Variants in MRTFA observed in about 807,000 individuals in gnomAD.
The protein encoded by MRTFA is myocardin related transcription factor A, also known as myocardin-related transcription factor A.
MRTFA carries 20 observed loss-of-function variants against 83.5 expected under a neutral mutation model. The observed-to-expected ratio is 0.24, with a 90% CI of 0.17 to 0.35. The LOEUF is 0.35. Among genes scored for constraint, MRTFA ranks in the 10% least tolerant of loss-of-function variants. The probability of loss-of-function intolerance (pLI) is 1.00; values close to 1 mark genes in which losing one functional copy is unlikely to be tolerated. For synonymous variants in MRTFA, 659 were observed against 541.2 expected (o/e 1.22, Z -3.02); for missense variants, 1,200 against 1,224.7 (o/e 0.98, Z 0.30).
Position 40,618,248 on chromosome 22 carries a change from G to GCA in MRTFA, c.-84+18229_-84+18230insTG, listed in dbSNP as rs1195201249. On this transcript the variant is annotated intron_variant, in intron 1 of 14. Coordinates refer to ENST00000355630, the MANE Select transcript of MRTFA (RefSeq NM_020831.6). Reference sequence around the variant, plus strand: ...CGCCACCACGCCTGGCTAATTTTTTGTATTTTTTTTTTTTTTTTTTTTTAG... The same window carrying GCA: ...CGCCACCACGCCTGGCTAATTTTTTGCATATTTTTTTTTTTTTTTTTTTTTAG... Among the ~76,000 whole-genome samples the GCA allele has an allele frequency of 3.7e-4, 48 of 129,112 alleles. No individual in the cohort carries two copies. In the East Asian group the frequency reaches 4.9e-3, roughly 13 times the overall value. 84.7% of individuals were successfully genotyped at this position (129,112 alleles called of 152,430 possible). A position where few individuals can be genotyped will look rare whatever the true frequency, so the allele number is the denominator to read the frequency against.
At chr22:40,460,695 A>G (rs1403431076) in intron 4 of MRTFA, among the ~76,000 whole-genome samples, 2 of 152,110 alleles carry the variant, frequency 1.3e-5, no homozygotes, top group Admixed American at 6.5e-5. Flanking sequence ...GGAGGTTTGG[A>G]GTGTATTGTA....
intron 1 of MRTFA, among the ~76,000 whole-genome samples, chr22:40,603,729 T>A (rs1168393070): frequency 1.3e-5 from 2 of 152,036 alleles, no homozygotes; most frequent in Non-Finnish European, 2.9e-5. Flanking sequence ...TGGAGTAATA[T>A]TAAACAAGAT....
chr22:40,500,163 T>C (rs1186714136), intron 3 of MRTFA, among the ~76,000 whole-genome samples: 2 of 151,036 alleles, frequency 1.3e-5, no homozygotes. Context: ...ACTCCTGATC[T>C]TGTGATTTGC....
intron 2 of MRTFA, among the ~76,000 whole-genome samples, chr22:40,570,863 T>G (rs1178225474): frequency 6.6e-6 from 1 of 151,438 alleles, no homozygotes; most frequent in Non-Finnish European, 1.5e-5. Flanking sequence ...TATTTTACTT[T>G]CTTTGGTCAT....
At chr22:40,499,674 A>G (rs2054422371) in intron 3 of MRTFA, among the ~76,000 whole-genome samples, 1 of 152,162 alleles carries the variant, frequency 6.6e-6, no homozygotes, top group South Asian at 2.1e-4. Context: ...CTACCTCTTA[A>G]AATGTTTATT....
rs751456125 is a variant in MRTFA, at chr22:40,420,864, G to T, written c.1164C>A (p.Ile388=). 2 of 1,613,776 alleles carry T rather than the reference G, an allele frequency of 1.2e-6. No homozygotes were observed. Residue 388 remains isoleucine (I), a synonymous_variant, in exon 10 of 15, where the codon ATC becomes ATA. Transcript: ENST00000355630. ...GTGCCTACTTTGGCGGGGCAGGCAG[G>T]ATGGCCTGGTAGTTGTGGTGCTGCT...
intron 1 of MRTFA, 115 bp from the exon 2 acceptor site, chr22:40,594,850 C>A: frequency 6.7e-6 from 1 of 149,646 alleles, no homozygotes. Flanking sequence ...TCAATCCTCT[C>A]CATGCACACA....
intron 2 of MRTFA, among the ~76,000 whole-genome samples, chr22:40,556,798 T>C (rs1349107818): frequency 6.6e-6 from 1 of 152,208 alleles, no homozygotes; most frequent in African/African-American, 2.4e-5. Context: ...GTATTCTTTG[T>C]CATTGACTCT....
chr22:40,622,441 ACTACAC>A (rs2056534290), intron 1 of MRTFA, among the ~76,000 whole-genome samples: 2 of 147,274 alleles, frequency 1.4e-5, no homozygotes, highest in Non-Finnish European at 3.0e-5. Flanking sequence ...AGATGGTGCC[ACTACAC>A]TCCAGCCTGG....
At chr22:40,441,786 C>CG (rs1569267047) in intron 4 of MRTFA, among the ~76,000 whole-genome samples, 2 of 151,344 alleles carry the variant, frequency 1.3e-5, no homozygotes, top group South Asian at 4.2e-4. Flanking sequence ...GACTCCATCT[C>CG]GGGGGGAAAA....
At position 40,411,414 on chromosome 22, in the gene MRTFA, C is replaced by G. The variant is rs764664048; in HGVS notation, c.3072G>C (p.Gln1024His). The G allele has an allele frequency of 8.9e-6, 14 of 1,568,466 alleles. No homozygotes were observed. The highest frequency in any genetic ancestry group is 1.0e-5 in the Non-Finnish European group (12 of 1,149,318). The change falls in exon 15 of 15, where the codon CAG (glutamine) becomes CAC (histidine). Residue 1024 changes from glutamine to histidine, a missense_variant. Physicochemically the swap from Gln to His is conservative, Grantham distance 24. Transcript: ENST00000355630. ...GCTACAAGCAGGAATCCCAGTGCAG[C>G]TGCAAATCATGGCCATCGAGGAAGT...
intron 3 of MRTFA, among the ~76,000 whole-genome samples, chr22:40,488,795 T>C (rs1480591667): frequency 2.6e-5 from 4 of 152,156 alleles, no homozygotes; most frequent in Admixed American, 6.5e-5. Flanking sequence ...ATGGCGCCAC[T>C]GCACTCCAGC....
At chr22:40,539,791 C>T (rs1167000014) in intron 3 of MRTFA, among the ~76,000 whole-genome samples, 1 of 152,052 alleles carries the variant, frequency 6.6e-6, no homozygotes, top group Non-Finnish European at 1.5e-5. Flanking sequence ...CACGAGCCAC[C>T]GCGCCCAGCC....
chr22:40,602,616 A>G (rs2056273381), intron 1 of MRTFA, among the ~76,000 whole-genome samples: 3 of 151,684 alleles, frequency 2.0e-5, no homozygotes, highest in African/African-American at 7.3e-5. Context: ...AGGTAGTTGG[A>G]TCACCTGAGG....
At chr22:40,622,690 T>C (rs1353693353) in intron 1 of MRTFA, among the ~76,000 whole-genome samples, 1 of 152,080 alleles carries the variant, frequency 6.6e-6, no homozygotes, top group Non-Finnish European at 1.5e-5. Flanking sequence ...AAGACCAGAC[T>C]CTCCCCTAAA....
At chr22:40,530,914 G>C (rs1377186442) in intron 3 of MRTFA, among the ~76,000 whole-genome samples, 1 of 152,172 alleles carries the variant, frequency 6.6e-6, no homozygotes, top group Non-Finnish European at 1.5e-5. Flanking sequence ...ACTTATCAGG[G>C]AAAGTATGAC....
chr22:40,509,320 GT>G (rs2054630414), intron 3 of MRTFA, among the ~76,000 whole-genome samples: 1 of 152,170 alleles, frequency 6.6e-6, no homozygotes, highest in Non-Finnish European at 1.5e-5. Flanking sequence ...CAAATATCTT[GT>G]TTGTGTCAAC....
chr22:40,514,647 T>G (rs2054726501), intron 3 of MRTFA, among the ~76,000 whole-genome samples: 1 of 115,412 alleles, frequency 8.7e-6, no homozygotes, highest in Non-Finnish European at 1.9e-5. Flanking sequence ...GTAATTTTTG[T>G]ATGTTTTTTT....
chr22:40,470,226 AAATTTTATATATATATATATAT>A (rs1279428407), intron 3 of MRTFA, among the ~76,000 whole-genome samples: 1 of 78,500 alleles, frequency 1.3e-5, no homozygotes, highest in Non-Finnish European at 2.3e-5. Flanking sequence ...CCCATCTCCA[AAATTTTATATATATATATATAT>A]ATATATATAT....
Sources: gnomAD v4.1 joint callset for allele counts (sites outside exome capture counted in the v4.1 genomes callset) on GRCh38, gnomAD v4.1.1 for gene constraint, MANE v1.5 for transcripts, NCBI Gene and HGNC (gene_info 2026-07-23, HGNC 2026-07-21) for gene names.